Variants in ARHGAP24 observed in about 807,000 individuals in gnomAD.
The protein encoded by ARHGAP24 is rho GTPase-activating protein 24.
ARHGAP24 carries 50 observed loss-of-function variants against 76.4 expected under a neutral mutation model. That is an observed-to-expected ratio of 0.65 (90% CI 0.52 to 0.83). The LOEUF is 0.83. Ranked by LOEUF, ARHGAP24 falls within the 40% of genes least tolerant of loss-of-function variation. The probability of loss-of-function intolerance (pLI) is 0.00; values close to 1 mark genes in which losing one functional copy is unlikely to be tolerated. For synonymous variants in ARHGAP24, 345 were observed against 323.3 expected (o/e 1.07, Z -0.72); for missense variants, 930 against 914.2 (o/e 1.02, Z -0.22).
chr4:85,921,534 TA>T (rs1735720039), intron 3 of ARHGAP24, among the ~76,000 whole-genome samples: 1 of 102,088 alleles, frequency 9.8e-6, no homozygotes, highest in Admixed American at 1.2e-4. Context: ...GAACTTAAAA[TA>T]AAAGTTTTTT....
chr4:85,594,200 T>G (rs1274040414), intron 2 of ARHGAP24, among the ~76,000 whole-genome samples: 1 of 152,090 alleles, frequency 6.6e-6, no homozygotes, highest in Non-Finnish European at 1.5e-5. Flanking sequence ...GTATTTTATT[T>G]TATTTATAAC....
chr4:85,741,180 C>T (rs552584422), intron 3 of ARHGAP24, among the ~76,000 whole-genome samples: 1 of 152,194 alleles, frequency 6.6e-6, no homozygotes, highest in East Asian at 1.9e-4. Context: ...TTCCTTCCTT[C>T]GGCACCAGAG....
rs377152656 is a variant in ARHGAP24, at chr4:85,607,779, A to G, written c.180+37058A>G. Among the ~76,000 whole-genome samples the G allele has an allele frequency of 9.8e-4, 79 of 81,012 alleles. 1 individual carries two copies. The South Asian group carries it at 0.037, about 38-fold the overall frequency. The allele number at this position is 81,012 out of a possible 152,430, so 53.1% of individuals were successfully genotyped here. ...TCAAAAATACTTCCTCATTTAGCCC[A>G]GGTGTTGGAGCCATAGCTACGCCGT... On this transcript the variant is annotated intron_variant, in intron 2 of 9. Coordinates refer to ENST00000395184, the MANE Select transcript of ARHGAP24 (RefSeq NM_001025616.3).
At chr4:85,828,938 A>G (rs1729855587) in intron 3 of ARHGAP24, among the ~76,000 whole-genome samples, 1 of 152,178 alleles carries the variant, frequency 6.6e-6, no homozygotes, top group Non-Finnish European at 1.5e-5. Context: ...TAGAAGAAGA[A>G]AAAGAATATC....
intron 3 of ARHGAP24, among the ~76,000 whole-genome samples, chr4:85,731,776 A>C (rs1453983468): frequency 6.6e-6 from 1 of 152,228 alleles, no homozygotes; most frequent in Non-Finnish European, 1.5e-5. Flanking sequence ...GAAATGATAA[A>C]TATTTGAGAT....
At chr4:85,870,826 T>A (rs1454312751) in intron 3 of ARHGAP24, among the ~76,000 whole-genome samples, 1 of 152,112 alleles carries the variant, frequency 6.6e-6, no homozygotes, top group Non-Finnish European at 1.5e-5. Context: ...GAGGTTGGGA[T>A]AGGCAAGGAA....
At chr4:85,733,060 C>CTTTTGTTTTTTTTTTT (rs1725470708) in intron 3 of ARHGAP24, among the ~76,000 whole-genome samples, 1 of 55,206 alleles carries the variant, frequency 1.8e-5, no homozygotes, top group African/African-American at 6.4e-5. Flanking sequence ...GCCTCACCAA[C>CTTTTGTTTTTTTTTTT]TTTTTTTTTT....
intron 3 of ARHGAP24, among the ~76,000 whole-genome samples, chr4:85,894,985 AAAAC>A (rs1734076155): frequency 7.5e-4 from 15 of 19,924 alleles, no homozygotes; most frequent in Non-Finnish European, 1.1e-3. Flanking sequence ...AAAAAAAAAA[AAAAC>A]AAAACAAAAA....
intron 3 of ARHGAP24, among the ~76,000 whole-genome samples, chr4:85,843,694 C>T (rs993652511): frequency 2.6e-5 from 4 of 151,920 alleles, no homozygotes; most frequent in Non-Finnish European, 5.9e-5. Context: ...AATATAATTT[C>T]ATCAAACTAA....
intron 1 of ARHGAP24, among the ~76,000 whole-genome samples, chr4:85,507,408 CTT>C (rs1158748307): frequency 1.3e-5 from 2 of 152,102 alleles, no homozygotes; most frequent in African/African-American, 4.8e-5. Context: ...TATGTGGACT[CTT>C]TGAGGAAAAT....
chr4:85,490,393 A>G (rs1208079687), intron 1 of ARHGAP24, among the ~76,000 whole-genome samples: 1 of 152,194 alleles, frequency 6.6e-6, no homozygotes, highest in Non-Finnish European at 1.5e-5. Context: ...GAACCAGGTT[A>G]TATTTTGCCT....
chr4:85,827,012 T>TA (rs1463093162), intron 3 of ARHGAP24, among the ~76,000 whole-genome samples: 1 of 152,182 alleles, frequency 6.6e-6, no homozygotes, highest in Non-Finnish European at 1.5e-5. Flanking sequence ...AATAAAAACT[T>TA]AGACTCTACA....
At chr4:85,563,492 A>G (rs975233232) in intron 1 of ARHGAP24, among the ~76,000 whole-genome samples, 1 of 152,324 alleles carries the variant, frequency 6.6e-6, no homozygotes, top group East Asian at 1.9e-4. Flanking sequence ...GTCTCTTCTT[A>G]TAAGGGCACT....
At chr4:85,528,187 G>A (rs1447039685) in intron 1 of ARHGAP24, among the ~76,000 whole-genome samples, 2 of 151,958 alleles carry the variant, frequency 1.3e-5, no homozygotes, top group Non-Finnish European at 2.9e-5. Flanking sequence ...AAGAAGAATG[G>A]AAAAAGACAG....
At chr4:85,973,499 G>A (rs1383052272) in intron 6 of ARHGAP24, among the ~76,000 whole-genome samples, 1 of 151,980 alleles carries the variant, frequency 6.6e-6, no homozygotes. Flanking sequence ...TTTATTGATG[G>A]TGTCCTTTGA....
chr4:85,965,454 A>T (rs774489850), intron 5 of ARHGAP24, among the ~76,000 whole-genome samples: 9 of 152,120 alleles, frequency 5.9e-5, no homozygotes, highest in Non-Finnish European at 1.0e-4. Flanking sequence ...GTCCCCACCA[A>T]CGTTCTTTCC....
intron 3 of ARHGAP24, among the ~76,000 whole-genome samples, chr4:85,735,117 T>C (rs568984320): frequency 6.6e-6 from 1 of 152,316 alleles, no homozygotes; most frequent in East Asian, 1.9e-4. Context: ...TTTATCTTGT[T>C]ATGTAATTTT....
intron 1 of ARHGAP24, among the ~76,000 whole-genome samples, chr4:85,485,362 AAAAAAAAAAAAAAAATATATATAT>A (rs1312735198): frequency 2.7e-4 from 16 of 59,950 alleles, no homozygotes; most frequent in African/African-American, 1.1e-3. Context: ...AAAAAAAAAA[AAAAAAAAAAAAAAAATATATATAT>A]ATATATATAT....
rs186319806 is a variant in ARHGAP24 at position 85,826,341 on chromosome 4, A to G, written c.269-97307A>G. 1.2e-4 allele frequency among the ~76,000 whole-genome samples: 18 copies of G among 152,280 alleles called. No homozygotes were observed. In the East Asian group the frequency reaches 3.5e-3, roughly 29 times the overall value. Reference sequence around the variant, plus strand: ...AGTACAACAGGATGCCAGGCGAACTATGTAACCAACCATGCACGTGAGCAT... The same window carrying G: ...AGTACAACAGGATGCCAGGCGAACTGTGTAACCAACCATGCACGTGAGCAT... On this transcript the variant is annotated intron_variant, in intron 3 of 9. Coordinates refer to ENST00000395184, the MANE Select transcript of ARHGAP24 (RefSeq NM_001025616.3).
Sources: allele counts gnomAD v4.1 joint callset (sites outside exome capture counted in the v4.1 genomes callset), GRCh38; gene constraint gnomAD v4.1.1; transcripts MANE v1.5; gene names NCBI Gene and HGNC (gene_info 2026-07-23, HGNC 2026-07-21).